The following CADM2 variants were observed in gnomAD, a reference collection of about 807,000 sequenced individuals.
The protein encoded by CADM2 is cell adhesion molecule 2.
A neutral mutation model predicts 49.8 loss-of-function variants in CADM2; 12 were observed. That is an observed-to-expected ratio of 0.24 (90% CI 0.15 to 0.39). CADM2 has a LOEUF of 0.39. Ranked by LOEUF, CADM2 falls within the 10% of genes least tolerant of loss-of-function variation. The pLI, the probability that CADM2 is intolerant of heterozygous loss-of-function variation, is 1.00. For synonymous variants in CADM2, 214 were observed against 175.4 expected (o/e 1.22, Z -1.74); for missense variants, 378 against 492.3 (o/e 0.77, Z 2.20).
At chr3:85,670,087 AG>A (rs1461381148) in intron 1 of CADM2, among the ~76,000 whole-genome samples, 2 of 152,166 alleles carry the variant, frequency 1.3e-5, no homozygotes, top group African/African-American at 4.8e-5. Context: ...GGTCTCTTTC[AG>A]TGCAAACATT....
intron 1 of CADM2, among the ~76,000 whole-genome samples, chr3:85,425,327 G>A (rs2036351528): frequency 6.6e-6 from 1 of 152,134 alleles, no homozygotes; most frequent in Admixed American, 6.5e-5. Flanking sequence ...TTTTTATCTT[G>A]TTCACATGAA....
At chr3:85,918,455 T>A (rs758093358) in intron 6 of CADM2, among the ~76,000 whole-genome samples, 20 of 152,202 alleles carry the variant, frequency 1.3e-4, no homozygotes, top group Non-Finnish European at 2.6e-4. Flanking sequence ...CTGGATTACA[T>A]TTATTGATTT....
At chr3:85,395,471 A>G (rs1341160301) in intron 1 of CADM2, among the ~76,000 whole-genome samples, 1 of 152,160 alleles carries the variant, frequency 6.6e-6, no homozygotes, top group Non-Finnish European at 1.5e-5. Context: ...TTGAAACTCA[A>G]AATGAATGTT....
At chr3:85,992,658 A>G (rs1425199358) in intron 8 of CADM2, 1 of 152,162 alleles carries the variant, frequency 6.6e-6, no homozygotes, top group Admixed American at 6.5e-5. Context: ...TTCAGTGTGC[A>G]ATAGCATCAT....
intron 3 of CADM2, among the ~76,000 whole-genome samples, chr3:85,828,480 A>G (rs932475127): frequency 3.3e-5 from 5 of 151,994 alleles, no homozygotes; most frequent in Admixed American, 2.0e-4. Context: ...TCAATGACAC[A>G]TATATTACGT....
intron 1 of CADM2, among the ~76,000 whole-genome samples, chr3:85,450,889 G>A (rs1056330968): frequency 2.7e-5 from 4 of 150,858 alleles, no homozygotes; most frequent in African/African-American, 9.9e-5. Flanking sequence ...TTCGGCCTAG[G>A]CTACTAAGTC....
intron 8 of CADM2, among the ~76,000 whole-genome samples, chr3:85,973,953 T>A (rs1046511037): frequency 6.6e-6 from 1 of 151,652 alleles, no homozygotes; most frequent in South Asian, 2.1e-4. Context: ...GATGTGAGAG[T>A]AGCATTTTGT....
At chr3:85,957,948 T>A (rs1245146569) in intron 7 of CADM2, among the ~76,000 whole-genome samples, 2 of 151,980 alleles carry the variant, frequency 1.3e-5, no homozygotes, top group African/African-American at 4.8e-5. Context: ...AAATGGGATC[T>A]AATTAAAGTA....
At chr3:85,310,225 T>G (rs759194813) in intron 1 of CADM2, among the ~76,000 whole-genome samples, 4 of 152,182 alleles carry the variant, frequency 2.6e-5, no homozygotes, top group African/African-American at 9.7e-5. Context: ...ATAGACAATA[T>G]TTGCATGTGA....
intron 1 of CADM2, among the ~76,000 whole-genome samples, chr3:85,029,828 A>G (rs1365218498): frequency 6.6e-6 from 1 of 152,098 alleles, no homozygotes; most frequent in South Asian, 2.1e-4. Flanking sequence ...CTGACTAGTG[A>G]CACTTCTTCT....
chr3:85,456,602 T>C (rs1160721658), intron 1 of CADM2, among the ~76,000 whole-genome samples: 1 of 151,862 alleles, frequency 6.6e-6, no homozygotes, highest in Non-Finnish European at 1.5e-5. Flanking sequence ...CATCTACTTC[T>C]CTTGAACCTT....
In CADM2 at chr3:85,130,687, A is replaced by C. The variant is rs1030151026; in HGVS notation, c.61+171019A>C. ...TAACACAGGGTGTTTTAAATTAATTATAGGCTCTTAAAATCCATTGATTTT... is the reference window on the plus strand; with the variant it reads ...TAACACAGGGTGTTTTAAATTAATTCTAGGCTCTTAAAATCCATTGATTTT... On this transcript the variant is annotated intron_variant, in intron 1 of 9. Coordinates refer to ENST00000383699, the MANE Select transcript of CADM2 (RefSeq NM_001167675.2). Among the ~76,000 whole-genome samples, 6 of 152,212 alleles carry C rather than the reference A, an allele frequency of 3.9e-5. No homozygotes were observed. The East Asian group carries it at 7.7e-4, about 20-fold the overall frequency.
chr3:85,081,122 A>G (rs958454303), intron 1 of CADM2, among the ~76,000 whole-genome samples: 12 of 152,130 alleles, frequency 7.9e-5, no homozygotes, highest in Non-Finnish European at 1.6e-4. Context: ...ATTACAATTC[A>G]ATATATAGTA....
intron 1 of CADM2, among the ~76,000 whole-genome samples, chr3:85,179,144 A>G (rs1310066841): frequency 6.6e-6 from 1 of 151,920 alleles, no homozygotes; most frequent in African/African-American, 2.4e-5. Flanking sequence ...TTCTCCATAT[A>G]TTGCTAAGGT....
chr3:85,780,736 C>G (rs2070595158), intron 2 of CADM2, among the ~76,000 whole-genome samples: 1 of 152,066 alleles, frequency 6.6e-6, no homozygotes, highest in Admixed American at 6.6e-5. Context: ...TTTTTTCTTG[C>G]CTTTAGATAT....
At position 85,736,158 on chromosome 3, in the gene CADM2, A is replaced by T. The variant is rs1419315851; in HGVS notation, c.88+9610A>T. 2.0e-5 allele frequency among the ~76,000 whole-genome samples: 3 copies of T among 152,144 alleles called. No individual in the cohort carries two copies. The East Asian group carries it at 5.8e-4, about 29-fold the overall frequency. ...GAAAATAAAAAAGAAAATAAAATAA[A>T]ACGAAAGAAAATGTATTTAAAAAGG... On this transcript the variant is annotated intron_variant, in intron 2 of 9. Transcript: ENST00000383699.
intron 1 of CADM2, among the ~76,000 whole-genome samples, chr3:85,505,113 A>G (rs1295483332): frequency 1.3e-5 from 2 of 152,134 alleles, no homozygotes; most frequent in Non-Finnish European, 2.9e-5. Context: ...CCAGCCCAGG[A>G]GGGGGCTCCC....
At chr3:85,597,436 G>T (rs570023467) in intron 1 of CADM2, among the ~76,000 whole-genome samples, 2 of 151,932 alleles carry the variant, frequency 1.3e-5, no homozygotes, top group South Asian at 2.1e-4. Flanking sequence ...TTATCTCTTC[G>T]CAAATCACAT....
chr3:85,648,482 A>G (rs2064955327), intron 1 of CADM2, among the ~76,000 whole-genome samples: 1 of 151,992 alleles, frequency 6.6e-6, no homozygotes, highest in Non-Finnish European at 1.5e-5. Context: ...ATAGTATTAT[A>G]TGTTTAACTG....
Sources: gnomAD v4.1 joint callset for allele counts (sites outside exome capture counted in the v4.1 genomes callset) on GRCh38, gnomAD v4.1.1 for gene constraint, MANE v1.5 for transcripts, NCBI Gene and HGNC (gene_info 2026-07-23, HGNC 2026-07-21) for gene names.